FOXP2: variants seen among roughly 807,000 people sequenced by gnomAD.
FOXP2 encodes forkhead box P2, also known as forkhead box protein P2.
In FOXP2, 12 loss-of-function variants were observed where a neutral mutation model predicts 115.8. The observed-to-expected ratio is 0.10, with a 90% CI of 0.07 to 0.17. FOXP2 has a LOEUF of 0.17. Among genes scored for constraint, FOXP2 ranks in the 10% least tolerant of loss-of-function variants. The pLI, the probability that FOXP2 is intolerant of heterozygous loss-of-function variation, is 1.00. For missense variants in FOXP2, 629 were observed against 843.5 expected (o/e 0.75, Z 3.15); for synonymous variants, 328 against 297.7 (o/e 1.10, Z -1.05).
intron 1 of FOXP2, among the ~76,000 whole-genome samples, chr7:114,128,277 C>G (rs924859245): frequency 6.6e-6 from 1 of 152,144 alleles, no homozygotes; most frequent in Admixed American, 6.5e-5. Flanking sequence ...ATACATTTCT[C>G]TCACTTAGTT....
intron 1 of FOXP2, among the ~76,000 whole-genome samples, chr7:114,224,492 G>C (rs745636999): frequency 6.6e-6 from 1 of 151,968 alleles, no homozygotes; most frequent in Non-Finnish European, 1.5e-5. Context: ...CATATGCCTT[G>C]GGTTTCTTAG....
At chr7:114,328,233 C>CTTTTTTT (rs1193894946) in intron 2 of FOXP2, among the ~76,000 whole-genome samples, 10 of 129,596 alleles carry the variant, frequency 7.7e-5, no homozygotes, top group African/African-American at 1.5e-4. Context: ...CTTTTCTTTT[C>CTTTTTTT]TTTTTTTTTT....
chr7:114,171,496 C>T (rs1400699070), intron 1 of FOXP2, among the ~76,000 whole-genome samples: 1 of 152,114 alleles, frequency 6.6e-6, no homozygotes, highest in Non-Finnish European at 1.5e-5. Context: ...TCACTTGAGC[C>T]TGGGAGGTGG....
chr7:114,598,193 T>C (rs1424719730), intron 3 of FOXP2, among the ~76,000 whole-genome samples: 8 of 152,154 alleles, frequency 5.3e-5, no homozygotes, highest in African/African-American at 1.7e-4. Context: ...CTTTGAGTCA[T>C]TGGTTTTACA....
At chr7:114,685,253 A>T (rs1808301832) in intron 16 of FOXP2, among the ~76,000 whole-genome samples, 1 of 152,132 alleles carries the variant, frequency 6.6e-6, no homozygotes, top group Non-Finnish European at 1.5e-5. Flanking sequence ...GTACCTACAA[A>T]CTAGTCATAT....
rs185176707 is a variant in FOXP2, at chr7:114,328,381, T to C, written c.-11+40272T>C. 2.7e-3 allele frequency among the ~76,000 whole-genome samples: 413 copies of C among 151,700 alleles called. 3 individuals carry two copies. The highest frequency in any genetic ancestry group is 9.6e-3 in the African/African-American group (398 of 41,358). Reference sequence around the variant, plus strand: ...CCTCCCAAGTAGCTGGGACTACAGGTGCCCGCCACCACGCCCGGCAAATTT... The same window carrying C: ...CCTCCCAAGTAGCTGGGACTACAGGCGCCCGCCACCACGCCCGGCAAATTT... On this transcript the variant is annotated intron_variant, in intron 2 of 17. Transcript: ENST00000634411.
chr7:114,392,509 T>C (rs1355664143), intron 2 of FOXP2, among the ~76,000 whole-genome samples: 1 of 152,218 alleles, frequency 6.6e-6, no homozygotes, highest in African/African-American at 2.4e-5. Context: ...TGAGTTCCCC[T>C]ATGAAGCAGA....
chr7:114,234,940 C>T (rs1219723299), intron 1 of FOXP2, among the ~76,000 whole-genome samples: 2 of 152,150 alleles, frequency 1.3e-5, no homozygotes, highest in Non-Finnish European at 2.9e-5. Flanking sequence ...CTCTGGGAAG[C>T]TATCCATAAT....
chr7:114,147,082 A>C (rs890086221), intron 1 of FOXP2, among the ~76,000 whole-genome samples: 1 of 152,234 alleles, frequency 6.6e-6, no homozygotes, highest in Non-Finnish European at 1.5e-5. Context: ...AGTATAGAGA[A>C]AATGGAATAA....
chr7:114,470,741 T>A (rs1796007896), intron 2 of FOXP2, among the ~76,000 whole-genome samples: 1 of 152,162 alleles, frequency 6.6e-6, no homozygotes. Context: ...ACACATTTTG[T>A]CGTCTTTCCC....
chr7:114,539,404 C>T (rs1352437424), intron 3 of FOXP2, among the ~76,000 whole-genome samples: 1 of 151,796 alleles, frequency 6.6e-6, no homozygotes, highest in Admixed American at 6.6e-5. Context: ...CAAATAAAAG[C>T]AGCATTGCCA....
At chr7:114,478,634 C>T (rs1306263304) in intron 2 of FOXP2, among the ~76,000 whole-genome samples, 1 of 151,726 alleles carries the variant, frequency 6.6e-6, no homozygotes, top group Non-Finnish European at 1.5e-5. Context: ...GAACATTACC[C>T]CTTGTATTCA....
At chr7:114,622,214 C>T (rs1049687751) in intron 3 of FOXP2, among the ~76,000 whole-genome samples, 4 of 151,780 alleles carry the variant, frequency 2.6e-5, no homozygotes, top group African/African-American at 9.7e-5. Flanking sequence ...TGCTTATTAC[C>T]GTTAGCCCTT....
At chr7:114,107,783 A>C (rs1488573917) in intron 1 of FOXP2, among the ~76,000 whole-genome samples, 1 of 151,944 alleles carries the variant, frequency 6.6e-6, no homozygotes, top group African/African-American at 2.4e-5. Context: ...TTTGATTGGG[A>C]ATAATGGATG....
At chr7:114,502,797 A>T (rs547501103) in intron 2 of FOXP2, among the ~76,000 whole-genome samples, 3 of 152,162 alleles carry the variant, frequency 2.0e-5, no homozygotes, top group African/African-American at 7.2e-5. Context: ...TGAGCTATGC[A>T]GTTCTGTTTA....
At chr7:114,541,760 A>T (rs1799676106) in intron 3 of FOXP2, among the ~76,000 whole-genome samples, 1 of 151,144 alleles carries the variant, frequency 6.6e-6, no homozygotes, top group African/African-American at 2.4e-5. Flanking sequence ...AGGAGGCCAA[A>T]TTTTCGCTTT....
At chr7:114,432,972 G>A (rs1180336698) in intron 2 of FOXP2, among the ~76,000 whole-genome samples, 1 of 151,882 alleles carries the variant, frequency 6.6e-6, no homozygotes, top group East Asian at 1.9e-4. Context: ...GTTCACTCCT[G>A]CAGTAACTCG....
chr7:114,177,316 T>TA (rs1793342335), intron 1 of FOXP2, among the ~76,000 whole-genome samples: 1 of 152,172 alleles, frequency 6.6e-6, no homozygotes, highest in African/African-American at 2.4e-5. Flanking sequence ...ACCAGTCTTC[T>TA]AGAGCAGTTG....
At chr7:114,326,051 C>T (rs773083552) in intron 2 of FOXP2, among the ~76,000 whole-genome samples, 30 of 152,006 alleles carry the variant, frequency 2.0e-4, no homozygotes, top group Non-Finnish European at 4.1e-4. Flanking sequence ...TAAAATCAAT[C>T]GTAAGAGGTG....
Sources: allele counts gnomAD v4.1 joint callset (sites outside exome capture counted in the v4.1 genomes callset), GRCh38; gene constraint gnomAD v4.1.1; transcripts MANE v1.5; gene names NCBI Gene and HGNC (gene_info 2026-07-23, HGNC 2026-07-21).